Variants in SLC12A2 observed in about 807,000 individuals in gnomAD.
The protein encoded by SLC12A2 is Na-K-2Cl cotransporter 1.
SLC12A2 carries 67 observed loss-of-function variants against 136.3 expected under a neutral mutation model. That is an observed-to-expected ratio of 0.49 (90% CI 0.40 to 0.60). The LOEUF (loss-of-function observed/expected upper bound fraction) is 0.60, where lower values mean the gene tolerates loss of function less well. Among genes scored for constraint, SLC12A2 ranks in the 20% least tolerant of loss-of-function variants. SLC12A2 has a pLI of 0.00. For synonymous variants in SLC12A2, 619 were observed against 562.9 expected (o/e 1.10, Z -1.41); for missense variants, 1,322 against 1,534.7 (o/e 0.86, Z 2.32).
intron 17 of SLC12A2, among the ~76,000 whole-genome samples, chr5:128,163,989 T>G (rs1293215697): frequency 6.6e-6 from 1 of 152,214 alleles, no homozygotes; most frequent in East Asian, 1.9e-4. Context: ...TAGGTAAATC[T>G]TGCTTCCTTT....
intron 18 of SLC12A2, 40 bp downstream of exon 18, chr5:128,167,907 A>C: frequency 8.2e-7 from 1 of 1,223,696 alleles, no homozygotes; most frequent in Non-Finnish European, 1.1e-6. Flanking sequence ...TTCATTTAGA[A>C]AATGTTAATT....
intron 2 of SLC12A2, among the ~76,000 whole-genome samples, 197 bp downstream of exon 2, chr5:128,113,130 A>G (rs1761217029): frequency 6.6e-6 from 1 of 152,182 alleles, no homozygotes; most frequent in South Asian, 2.1e-4. Context: ...GAGATATGCC[A>G]TTTATTTTGC....
intron 16 of SLC12A2, among the ~76,000 whole-genome samples, chr5:128,159,181 A>T (rs1336016377): frequency 6.6e-6 from 1 of 152,058 alleles, no homozygotes; most frequent in African/African-American, 2.4e-5. Flanking sequence ...ATACCTATGG[A>T]GTAGAAATTC....
At chr5:128,131,316 C>T (rs1031416534) in intron 5 of SLC12A2, 110 bp downstream of exon 5, 5 of 1,090,842 alleles carry the variant, frequency 4.6e-6, no homozygotes, top group Non-Finnish European at 6.8e-6. Context: ...CCAAGAGATT[C>T]GTCCTTCATA....
intron 1 of SLC12A2, among the ~76,000 whole-genome samples, chr5:128,111,937 C>G (rs1271483962): frequency 6.6e-6 from 1 of 151,848 alleles, no homozygotes; most frequent in African/African-American, 2.4e-5. Context: ...TGAAATATAG[C>G]CACATTATGT....
intron 1 of SLC12A2, among the ~76,000 whole-genome samples, chr5:128,091,717 T>G (rs992200620): frequency 1.3e-5 from 2 of 152,164 alleles, no homozygotes; most frequent in African/African-American, 4.8e-5. Flanking sequence ...ACTTGGGGGT[T>G]TCTAATTGGA....
intron 21 of SLC12A2, chr5:128,177,764 C>T (rs1445814008): frequency 2.0e-5 from 3 of 152,138 alleles, no homozygotes; most frequent in South Asian, 2.1e-4. Context: ...CAGATGTCCT[C>T]GTATGGATTT....
intron 23 of SLC12A2, among the ~76,000 whole-genome samples, chr5:128,181,718 C>G (rs1268986601): frequency 6.6e-6 from 1 of 151,850 alleles, no homozygotes; most frequent in Non-Finnish European, 1.5e-5. Flanking sequence ...ACAGTCTGTC[C>G]TCTCATTCCC....
In SLC12A2 at chr5:128,084,551, C is replaced by T; in HGVS notation, c.597C>T (p.Tyr199=). The change falls in exon 1 of 27, where the codon TAC becomes TAT. Residue 199 remains tyrosine, a synonymous_variant. Coordinates refer to ENST00000262461, the MANE Select transcript of SLC12A2 (RefSeq NM_001046.3). The surrounding 1 kb of genome is among the most constrained non-coding windows in gnomAD (Gnocchi z 5.6). ...GCGGCAGTGGGCACCACCAGCACTA[C>T]TATTATGATACCCACACCAACACCT... ...GGGGSGHHQH[Y]YYDTHTNTYY... 6.2e-7 allele frequency: 1 copy of T among 1,613,734 alleles called. No individual in the cohort carries two copies. The highest frequency in any genetic ancestry group is 8.5e-7 in the Non-Finnish European group (1 of 1,180,004).
At chr5:128,125,155 AAG>A (rs1761739857) in intron 4 of SLC12A2, among the ~76,000 whole-genome samples, 1 of 152,228 alleles carries the variant, frequency 6.6e-6, no homozygotes, top group African/African-American at 2.4e-5. Context: ...AAACAATAAT[AAG>A]AGATAGGTCA....
intron 9 of SLC12A2, among the ~76,000 whole-genome samples, chr5:128,139,585 C>T (rs907087816): frequency 1.3e-5 from 2 of 152,048 alleles, no homozygotes; most frequent in Non-Finnish European, 2.9e-5. Flanking sequence ...AAGATAGTGG[C>T]ATTTGTTTTA....
At chr5:128,155,323 T>A (rs1762841851) in intron 15 of SLC12A2, among the ~76,000 whole-genome samples, 1 of 152,182 alleles carries the variant, frequency 6.6e-6, no homozygotes, top group South Asian at 2.1e-4. Flanking sequence ...ATTTTTAATT[T>A]TGGACATTAT....
At chr5:128,096,114 A>C (rs1188022568) in intron 1 of SLC12A2, among the ~76,000 whole-genome samples, 1 of 152,242 alleles carries the variant, frequency 6.6e-6, no homozygotes, top group East Asian at 1.9e-4. Flanking sequence ...AGATGGACAG[A>C]CTCAGAAGCT....
Position 128,134,192 on chromosome 5 carries a change from A to C in SLC12A2, c.1216A>C (p.Ile406Leu), listed in dbSNP as rs1266278470. The part of the protein sequence containing the change: ...KEHSILMIDE[I>L]NDIRIIGAIT... The stretch of plus-strand genomic sequence containing the variant: ...ACATTCCATACTTATGATAGATGAA[A>C]TCAATGATATCCGAATTATTGGAGC... Residue 406 changes from isoleucine to leucine, a missense_variant, in exon 6 of 27, where the codon ATC (isoleucine) becomes CTC (leucine). This residue lies in a region of SLC12A2 where 110 missense variants were observed against 114.5 expected (regional missense o/e 0.96). Coordinates refer to ENST00000262461, the MANE Select transcript of SLC12A2 (RefSeq NM_001046.3). 6.3e-7 allele frequency: 1 copy of C among 1,594,612 alleles called. No individual in the cohort carries two copies. The highest frequency in any genetic ancestry group is 8.6e-7 in the Non-Finnish European group (1 of 1,163,040).
At chr5:128,143,608 G>A (rs1377872044) in intron 10 of SLC12A2, among the ~76,000 whole-genome samples, 2 of 152,010 alleles carry the variant, frequency 1.3e-5, no homozygotes, top group African/African-American at 4.8e-5. Context: ...AAATTAATTT[G>A]GAGGATAATT....
At chr5:128,148,957 ATG>A in intron 12 of SLC12A2, 80 bp downstream of exon 12, 3 of 1,201,286 alleles carry the variant, frequency 2.5e-6, no homozygotes, top group South Asian at 3.3e-5. Flanking sequence ...ATTATTAACA[ATG>A]TTATCTTGGT....
intron 4 of SLC12A2, among the ~76,000 whole-genome samples, chr5:128,118,312 A>G (rs549894864): frequency 5.9e-5 from 9 of 152,316 alleles, no homozygotes; most frequent in African/African-American, 1.9e-4. Flanking sequence ...AAAATGTGGA[A>G]CCAAACTTAA....
rs183930521 is a variant in SLC12A2, at chr5:128,109,700, A to C, written c.757-3114A>C. The C allele has an allele frequency of 3.4e-6, 4 of 1,159,424 alleles. No individual in the cohort carries two copies. In the African/African-American group the frequency reaches 6.2e-5, roughly 18 times the overall value. The allele number at this position is 1,159,424 out of a possible 1,614,324, so 71.8% of individuals were successfully genotyped here. A position where few individuals can be genotyped will look rare whatever the true frequency, so the allele number is the denominator to read the frequency against. The stretch of plus-strand genomic sequence containing the variant: ...TCCAGGCGAAAAAGTCTTCCAGGTG[A>C]AAGTCCCAGCACCAGAGGAGCAATT... On this transcript the variant is annotated intron_variant, in intron 1 of 26. Transcript: ENST00000262461.
rs1051877797 is a variant in SLC12A2 at position 128,187,278 on chromosome 5, A to C, written c.*647A>C. 2 of 152,258 alleles carry C rather than the reference A, an allele frequency of 1.3e-5. No homozygotes were observed. Among genetic ancestry groups the C allele is most frequent in the African/African-American group, 4.8e-5 (2 of 41,428 alleles). The allele number at this position is 152,258 out of a possible 1,614,324, so 9.4% of individuals were successfully genotyped here. A position where few individuals can be genotyped will look rare whatever the true frequency, so the allele number is the denominator to read the frequency against. On this transcript the variant is annotated 3_prime_UTR_variant, in exon 27 of 27. Coordinates refer to ENST00000262461, the MANE Select transcript of SLC12A2 (RefSeq NM_001046.3). ...ATGTGAATATAGAGCTAGGAAAAAAAGCCCCCCCAAATACCTTTTTAACCC... is the reference window on the plus strand; with the variant it reads ...ATGTGAATATAGAGCTAGGAAAAAACGCCCCCCCAAATACCTTTTTAACCC...
Sources: gnomAD v4.1 joint callset for allele counts (sites outside exome capture counted in the v4.1 genomes callset) on GRCh38, gnomAD v4.1.1 for gene constraint, gnomAD v4.1.1 regional missense constraint, Gnocchi (gnomAD v3.1) non-coding constraint, MANE v1.5 for transcripts, NCBI Gene and HGNC (gene_info 2026-07-23, HGNC 2026-07-21) for gene names.